SMYD3: variants seen among roughly 807,000 people sequenced by gnomAD.
SMYD3 encodes histone-lysine N-methyltransferase SMYD3.
In SMYD3, 36 loss-of-function variants were observed where a neutral mutation model predicts 57.7. The ratio of observed to expected loss-of-function variants is 0.62; its 90% CI spans 0.48 to 0.82. The LOEUF (loss-of-function observed/expected upper bound fraction) is 0.82. Ranked by LOEUF, SMYD3 falls within the 40% of genes least tolerant of loss-of-function variation. The pLI, the probability that SMYD3 is intolerant of heterozygous loss-of-function variation, is 0.00. For synonymous variants in SMYD3, 211 were observed against 195.0 expected, an observed-to-expected ratio of 1.08 and a Z score of -0.68; for missense variants, 515 against 538.8, an observed-to-expected ratio of 0.96 and a Z score of 0.44.
intron 5 of SMYD3, among the ~76,000 whole-genome samples, chr1:246,183,743 A>G (rs12061028): frequency 1.2e-3 from 179 of 152,324 alleles, no homozygotes; most frequent in African/African-American, 4.0e-3. Flanking sequence ...AACAGGTAAA[A>G]TGAGGTCAGG....
chr1:246,150,870 T>C (rs1268601469), intron 5 of SMYD3, among the ~76,000 whole-genome samples: 1 of 152,206 alleles, frequency 6.6e-6, no homozygotes, highest in Non-Finnish European at 1.5e-5. Context: ...TGCCCCAGCT[T>C]ACCATCCTAA....
chr1:246,211,037 T>C (rs1432117194), intron 5 of SMYD3, among the ~76,000 whole-genome samples: 2 of 152,130 alleles, frequency 1.3e-5, no homozygotes, highest in African/African-American at 4.8e-5. Context: ...TTCCTGAAGA[T>C]TGAGACACTG....
At chr1:245,756,895 G>T (rs1277165313) in intron 11 of SMYD3, among the ~76,000 whole-genome samples, 1 of 151,290 alleles carries the variant, frequency 6.6e-6, no homozygotes, top group African/African-American at 2.4e-5. Flanking sequence ...GGTTTGCTTA[G>T]CTTCTTAAAT....
intron 10 of SMYD3, among the ~76,000 whole-genome samples, chr1:245,837,340 G>A (rs2050154719): frequency 6.6e-6 from 1 of 152,022 alleles, no homozygotes; most frequent in Non-Finnish European, 1.5e-5. Flanking sequence ...CGTAGTGCAG[G>A]GCATCCTCCC....
intron 5 of SMYD3, among the ~76,000 whole-genome samples, chr1:246,126,341 T>C (rs575491541): frequency 9.8e-5 from 15 of 152,338 alleles, no homozygotes; most frequent in African/African-American, 3.1e-4. Flanking sequence ...TCCAAGTCTT[T>C]CAGATGTTCC....
At chr1:245,815,624 C>A (rs1487304287) in intron 10 of SMYD3, among the ~76,000 whole-genome samples, 1 of 152,238 alleles carries the variant, frequency 6.6e-6, no homozygotes, top group African/African-American at 2.4e-5. Flanking sequence ...GTAGAAGCAA[C>A]CCTGTCCCTG....
At chr1:246,489,190 CA>C (rs1307071243) in intron 1 of SMYD3, among the ~76,000 whole-genome samples, 2 of 151,956 alleles carry the variant, frequency 1.3e-5, no homozygotes, top group East Asian at 3.9e-4. Flanking sequence ...ACTAAAAATA[CA>C]AAAAATTAGC....
At chr1:246,047,499 A>G (rs1191366789) in intron 5 of SMYD3, among the ~76,000 whole-genome samples, 1 of 152,222 alleles carries the variant, frequency 6.6e-6, no homozygotes, top group Non-Finnish European at 1.5e-5. Flanking sequence ...ACCTCAAAGC[A>G]TACACAAAAG....
intron 5 of SMYD3, among the ~76,000 whole-genome samples, chr1:246,301,707 T>A (rs1176999003): frequency 6.6e-6 from 1 of 152,158 alleles, no homozygotes; most frequent in African/African-American, 2.4e-5. Flanking sequence ...GTATTGTGAA[T>A]TCCCCAAGGG....
chr1:246,364,514 G>A (rs912600554), intron 1 of SMYD3, among the ~76,000 whole-genome samples: 3 of 152,150 alleles, frequency 2.0e-5, no homozygotes, highest in Non-Finnish European at 4.4e-5. Flanking sequence ...ATTTCAATAC[G>A]TTTTCAAAAG....
At chr1:246,133,523 TC>T (rs2061619598) in intron 5 of SMYD3, among the ~76,000 whole-genome samples, 1 of 152,162 alleles carries the variant, frequency 6.6e-6, no homozygotes, top group African/African-American at 2.4e-5. Context: ...AATATAGTTT[TC>T]CTTAGTTAAG....
At chr1:245,989,224 A>G (rs2058765991) in intron 5 of SMYD3, among the ~76,000 whole-genome samples, 1 of 152,174 alleles carries the variant, frequency 6.6e-6, no homozygotes, top group Non-Finnish European at 1.5e-5. Context: ...TCTCTTCTTA[A>G]GAAATCCTGC....
At chr1:246,463,661 C>CAAAAAAAAAAAAAAAAAAAA (rs35482116) in intron 1 of SMYD3, among the ~76,000 whole-genome samples, 3 of 73,122 alleles carry the variant, frequency 4.1e-5, no homozygotes, top group Non-Finnish European at 7.1e-5. Flanking sequence ...ACTAAAAATA[C>CAAAAAAAAAAAAAAAAAAAA]AAAAAAAAAA....
At chr1:246,493,673 C>T (rs12757134) in intron 1 of SMYD3, among the ~76,000 whole-genome samples, 57,462 of 151,412 alleles carry the variant, frequency 0.38, 12,716 homozygotes, top group East Asian at 0.63. Context: ...TCCAATAGTT[C>T]AAAACCCAGC....
chr1:246,044,451 C>G (rs988499044), intron 5 of SMYD3, among the ~76,000 whole-genome samples: 10 of 152,112 alleles, frequency 6.6e-5, no homozygotes, highest in Non-Finnish European at 1.5e-4. Flanking sequence ...GATGCCAGTA[C>G]AAGAACTTGC....
At chr1:246,399,045 A>C (rs150789887) in intron 1 of SMYD3, among the ~76,000 whole-genome samples, 3,321 of 152,270 alleles carry the variant, frequency 0.022, 62 homozygotes, top group East Asian at 0.082. Context: ...GTTTTGAGAC[A>C]GAGTCTTGCT....
At chr1:246,367,789 T>C (rs923959849) in intron 1 of SMYD3, among the ~76,000 whole-genome samples, 11 of 152,212 alleles carry the variant, frequency 7.2e-5, no homozygotes, top group Non-Finnish European at 1.3e-4. Context: ...AAGTGATTTT[T>C]ACCTTTTTTC....
chr1:245,977,625 G>A (rs948461578), intron 5 of SMYD3, among the ~76,000 whole-genome samples: 4 of 152,196 alleles, frequency 2.6e-5, no homozygotes, highest in African/African-American at 9.6e-5. Context: ...GTTGCAGTGA[G>A]CCGAGATCGT....
At chr1:245,860,294 GCTCA>G (rs1035581387) in intron 9 of SMYD3, among the ~76,000 whole-genome samples, 7 of 152,032 alleles carry the variant, frequency 4.6e-5, no homozygotes, top group African/African-American at 1.2e-4. Flanking sequence ...TGAGCAGACA[GCTCA>G]CTGTTTATGG....
Sources: allele counts gnomAD v4.1 joint callset (sites outside exome capture counted in the v4.1 genomes callset), GRCh38; gene constraint gnomAD v4.1.1; transcripts MANE v1.5; gene names NCBI Gene and HGNC (gene_info 2026-07-23, HGNC 2026-07-21).